Variants in SMC5 observed in about 807,000 individuals in gnomAD.
SMC5 encodes structural maintenance of chromosomes 5.
SMC5 carries 88 observed loss-of-function variants against 148.3 expected under a neutral mutation model. That is an observed-to-expected ratio of 0.59 (90% CI 0.50 to 0.71). SMC5 has a LOEUF of 0.71. Ranked by LOEUF, SMC5 falls within the 30% of genes least tolerant of loss-of-function variation. SMC5 has a pLI of 0.00. For synonymous variants in SMC5, 421 were observed against 432.8 expected (o/e 0.97, Z 0.34); for missense variants, 1,142 against 1,298.9 (o/e 0.88, Z 1.86).
chr9:70,270,132 G>A (rs1378187513), intron 3 of SMC5, among the ~76,000 whole-genome samples: 1 of 152,156 alleles, frequency 6.6e-6, no homozygotes, highest in Non-Finnish European at 1.5e-5. Flanking sequence ...TAAGTCTTAG[G>A]TTGTGCCCTG....
At chr9:70,343,121 G>T (rs1587716590) in intron 17 of SMC5, among the ~76,000 whole-genome samples, 3 of 151,382 alleles carry the variant, frequency 2.0e-5, no homozygotes, top group African/African-American at 7.3e-5. Flanking sequence ...GTGGGCTTGG[G>T]CAAGTTACTT....
At chr9:70,316,414 A>G (rs1173495932) in intron 13 of SMC5, among the ~76,000 whole-genome samples, 3 of 151,888 alleles carry the variant, frequency 2.0e-5, no homozygotes, top group Non-Finnish European at 4.4e-5. Context: ...TAGAAAAATG[A>G]GAGCTCATTA....
chr9:70,320,221 A>G (rs1487074914), intron 15 of SMC5, among the ~76,000 whole-genome samples: 1 of 152,350 alleles, frequency 6.6e-6, no homozygotes, highest in Middle Eastern at 3.4e-3. Flanking sequence ...TGCCCTCCAT[A>G]TTCGTGGGTT....
chr9:70,309,084 A>G (rs893470281), intron 11 of SMC5, among the ~76,000 whole-genome samples: 1 of 152,148 alleles, frequency 6.6e-6, no homozygotes, highest in African/African-American at 2.4e-5. Context: ...AAATACGAAC[A>G]ATCATGTGAG....
chr9:70,268,593 A>G (rs1049334197), intron 3 of SMC5, among the ~76,000 whole-genome samples: 1 of 152,066 alleles, frequency 6.6e-6, no homozygotes, highest in African/African-American at 2.4e-5. Flanking sequence ...TCACAAATTT[A>G]AAGTATCTGG....
At chr9:70,262,386 A>G (rs1426862838) in intron 1 of SMC5, among the ~76,000 whole-genome samples, 1 of 152,232 alleles carries the variant, frequency 6.6e-6, no homozygotes, top group African/African-American at 2.4e-5. Context: ...TTCTTTTTTA[A>G]CAAGTGACAT....
rs139826418 is a variant in SMC5 at position 70,291,845 on chromosome 9, A to ATT, written c.1053+5585_1053+5586dup. 1.3e-4 allele frequency among the ~76,000 whole-genome samples: 19 copies of ATT among 145,106 alleles called. No homozygotes were observed. The East Asian group carries it at 2.0e-3, about 15-fold the overall frequency. ...ATTAGGTTGGTGCAAAAGTAATTGC[A>ATT]TTTTTTTTTTTTGCCATTATAAAAG... On this transcript the variant is annotated intron_variant, in intron 8 of 24. Coordinates refer to ENST00000361138, the MANE Select transcript of SMC5 (RefSeq NM_015110.4).
At position 70,346,458 on chromosome 9, in the gene SMC5, A is replaced by C. The variant is rs1054901873; in HGVS notation, c.2524-147A>C. On this transcript the variant is annotated intron_variant, in intron 18 of 24. Coordinates refer to ENST00000361138, the MANE Select transcript of SMC5 (RefSeq NM_015110.4). ...TAATTTGTCCCCATGGCATGGACTC[A>C]GAAGATAGTACTGTGGTGAAATTCA... 18 of 797,466 alleles carry C rather than the reference A, an allele frequency of 2.3e-5. No homozygotes were observed. The Middle Eastern group carries it at 9.5e-4, about 42-fold the overall frequency. The allele number at this position is 797,466 out of a possible 1,614,324, so 49.4% of individuals were successfully genotyped here. A position where few individuals can be genotyped will look rare whatever the true frequency, so the allele number is the denominator to read the frequency against.
At chr9:70,278,881 A>T (rs567827598) in intron 5 of SMC5, among the ~76,000 whole-genome samples, 24 of 150,296 alleles carry the variant, frequency 1.6e-4, no homozygotes, top group African/African-American at 5.7e-4. Context: ...ACAGTATTAT[A>T]AAAAAAAATT....
intron 4 of SMC5, among the ~76,000 whole-genome samples, chr9:70,277,971 G>C (rs1470040603): frequency 1.3e-5 from 2 of 151,890 alleles, no homozygotes; most frequent in African/African-American, 4.8e-5. Flanking sequence ...TTTGAATGCT[G>C]TCTAGGGACA....
intron 3 of SMC5, among the ~76,000 whole-genome samples, chr9:70,274,322 C>G (rs906659771): frequency 2.6e-5 from 4 of 152,144 alleles, no homozygotes; most frequent in Non-Finnish European, 4.4e-5. Context: ...ACCTCGTGAT[C>G]CACCCACCTC....
At chr9:70,260,209 A>G (rs2034073965) in intron 1 of SMC5, among the ~76,000 whole-genome samples, 1 of 151,978 alleles carries the variant, frequency 6.6e-6, no homozygotes, top group Non-Finnish European at 1.5e-5. Context: ...GTTTCAATCA[A>G]TTCTCCTGCC....
intron 17 of SMC5, among the ~76,000 whole-genome samples, chr9:70,338,864 G>T (rs2118774405): frequency 6.6e-6 from 1 of 151,988 alleles, no homozygotes; most frequent in South Asian, 2.1e-4. Context: ...TTCATATGTT[G>T]ATTTGAAAGT....
intron 4 of SMC5, 109 bp from the exon 5 acceptor site, chr9:70,278,382 G>GT (rs10714271): frequency 1.5e-4 from 149 of 1,020,154 alleles, no homozygotes; most frequent in African/African-American, 2.5e-4. Flanking sequence ...TATCTCAAAT[G>GT]TTTTTTTTAA....
At chr9:70,325,043 G>A (rs2036043407) in intron 17 of SMC5, among the ~76,000 whole-genome samples, 1 of 152,168 alleles carries the variant, frequency 6.6e-6, no homozygotes, top group African/African-American at 2.4e-5. Context: ...CATGGTTGTT[G>A]ATTGAATCAT....
At chr9:70,265,231 C>G (rs892916950) in intron 2 of SMC5, among the ~76,000 whole-genome samples, 3 of 152,184 alleles carry the variant, frequency 2.0e-5, no homozygotes. Flanking sequence ...AATCCCAGCA[C>G]TTTGGGAGGC....
Position 70,350,472 on chromosome 9 carries a change from G to A in SMC5, c.3165+1G>A. On this transcript the variant is annotated splice_donor_variant, in intron 24 of 24. Transcript: ENST00000361138. LOFTEE classifies it high-confidence loss of function. ...TCAATACTTTTTCATAACACCAAAG[G>A]TAGGTAAAAAGTAACCTAAAAGTGG... 1 of 1,579,508 alleles carries A rather than the reference G, an allele frequency of 6.3e-7. No homozygotes were observed. Among genetic ancestry groups the A allele is most frequent in the Non-Finnish European group, 8.6e-7 (1 of 1,165,842 alleles).
At chr9:70,281,287 C>A (rs1005027072) in intron 6 of SMC5, among the ~76,000 whole-genome samples, 1 of 152,070 alleles carries the variant, frequency 6.6e-6, no homozygotes, top group Non-Finnish European at 1.5e-5. Flanking sequence ...GGTGATCTGC[C>A]CCCCTCGGCC....
chr9:70,281,112 A>C (rs112259386), intron 6 of SMC5, among the ~76,000 whole-genome samples: 1 of 150,620 alleles, frequency 6.6e-6, no homozygotes, highest in African/African-American at 2.5e-5. Flanking sequence ...ATCTCGGCTC[A>C]CTGCAACCTC....
Sources: gnomAD v4.1 joint callset for allele counts (sites outside exome capture counted in the v4.1 genomes callset) on GRCh38, gnomAD v4.1.1 for gene constraint, MANE v1.5 for transcripts, NCBI Gene and HGNC (gene_info 2026-07-23, HGNC 2026-07-21) for gene names.